DOK6: variants seen among roughly 807,000 people sequenced by gnomAD.
DOK6 encodes docking protein 6, also known as downstream of tyrosine kinase 6.
DOK6 carries 22 observed loss-of-function variants against 44.0 expected under a neutral mutation model. The ratio of observed to expected loss-of-function variants is 0.50; its 90% CI spans 0.36 to 0.71. The LOEUF (loss-of-function observed/expected upper bound fraction) is 0.71. DOK6 is among the 30% of genes least tolerant of loss of function. DOK6 has a pLI of 0.00. For missense variants in DOK6, 340 were observed against 416.4 expected (o/e 0.82, Z 1.60); for synonymous variants, 166 against 145.5 (o/e 1.14, Z -1.01).
At chr18:69,486,299 G>A (rs889646817) in intron 1 of DOK6, among the ~76,000 whole-genome samples, 8 of 151,992 alleles carry the variant, frequency 5.3e-5, no homozygotes, top group Admixed American at 1.3e-4. Context: ...AATTATACAT[G>A]TTTAGTTTTT....
At chr18:69,698,360 CA>C in intron 4 of DOK6, 43 bp from the exon 5 acceptor site, 1 of 1,544,276 alleles carries the variant, frequency 6.5e-7, no homozygotes, top group African/African-American at 1.4e-5. Flanking sequence ...TAGACACTCA[CA>C]CCTCTTTTCA....
At chr18:69,601,508 G>A (rs757169186) in intron 3 of DOK6, among the ~76,000 whole-genome samples, 2 of 152,082 alleles carry the variant, frequency 1.3e-5, no homozygotes, top group Admixed American at 1.3e-4. Context: ...AATTTTGTTG[G>A]TCTATGCCCA....
At chr18:69,717,430 A>G (rs1481408130) in intron 5 of DOK6, among the ~76,000 whole-genome samples, 1 of 152,238 alleles carries the variant, frequency 6.6e-6, no homozygotes, top group Non-Finnish European at 1.5e-5. Flanking sequence ...AAAGTTGCTT[A>G]GAGCGCATGG....
intron 7 of DOK6, among the ~76,000 whole-genome samples, chr18:69,772,730 G>T (rs549474401): frequency 1.3e-4 from 19 of 151,952 alleles, no homozygotes; most frequent in Non-Finnish European, 1.3e-4. Flanking sequence ...AAAGGTTAAG[G>T]CCTGAAACCA....
chr18:69,553,917 G>T (rs943315661), intron 1 of DOK6, among the ~76,000 whole-genome samples: 3 of 152,226 alleles, frequency 2.0e-5, no homozygotes, highest in African/African-American at 7.2e-5. Flanking sequence ...GTGGTTTGTC[G>T]TAATACCTTT....
At chr18:69,626,252 C>A (rs1392439809) in intron 3 of DOK6, among the ~76,000 whole-genome samples, 2 of 152,192 alleles carry the variant, frequency 1.3e-5, no homozygotes, top group African/African-American at 2.4e-5. Context: ...CCCATTTGAT[C>A]TCTAAATGAC....
intron 1 of DOK6, among the ~76,000 whole-genome samples, chr18:69,540,673 A>T (rs2144580714): frequency 6.6e-6 from 1 of 152,250 alleles, no homozygotes; most frequent in Non-Finnish European, 1.5e-5. Flanking sequence ...ATAGTTTTTC[A>T]ATGATTACGG....
intron 5 of DOK6, among the ~76,000 whole-genome samples, chr18:69,701,337 T>G (rs1035457455): frequency 1.3e-5 from 2 of 152,234 alleles, no homozygotes; most frequent in African/African-American, 4.8e-5. Context: ...TCTTTTACCA[T>G]AAGGATCATA....
At chr18:69,434,983 A>AAGGAAAGAAGGAAG (rs1978918850) in intron 1 of DOK6, among the ~76,000 whole-genome samples, 2 of 84,752 alleles carry the variant, frequency 2.4e-5, no homozygotes, top group Non-Finnish European at 5.3e-5. Context: ...AAGGAAGGAA[A>AAGGAAAGAAGGAAG]GAAGGAAGGA....
intron 3 of DOK6, among the ~76,000 whole-genome samples, chr18:69,629,581 T>G (rs990876816): frequency 1.3e-5 from 2 of 152,204 alleles, no homozygotes; most frequent in Admixed American, 1.3e-4. Flanking sequence ...TATTGAGACT[T>G]GGCACTGAGG....
At chr18:69,482,947 G>C (rs767744124) in intron 1 of DOK6, among the ~76,000 whole-genome samples, 2 of 151,924 alleles carry the variant, frequency 1.3e-5, no homozygotes, top group East Asian at 1.9e-4. Flanking sequence ...AGGTAAACTT[G>C]TGTCATGGGG....
chr18:69,810,140 A>T (rs1484203826), intron 7 of DOK6, among the ~76,000 whole-genome samples: 1 of 152,118 alleles, frequency 6.6e-6, no homozygotes, highest in African/African-American at 2.4e-5. Context: ...AGACACATAG[A>T]CCAATGGAAT....
chr18:69,435,011 A>C, intron 1 of DOK6, among the ~76,000 whole-genome samples: 1 of 72,418 alleles, frequency 1.4e-5, no homozygotes, highest in Non-Finnish European at 2.8e-5. Context: ...AAGAAAGATT[A>C]GTGTAGGGAG....
intron 2 of DOK6, among the ~76,000 whole-genome samples, chr18:69,598,360 C>T (rs1983795889): frequency 6.6e-6 from 1 of 151,532 alleles, no homozygotes. Context: ...TAGTTATATC[C>T]TGTAAAAATT....
chr18:69,501,803 T>C (rs1028769139), intron 1 of DOK6, among the ~76,000 whole-genome samples: 16 of 152,154 alleles, frequency 1.1e-4, no homozygotes, highest in Non-Finnish European at 1.6e-4. Context: ...ATACTTATAT[T>C]GGATCCTTAA....
intron 2 of DOK6, among the ~76,000 whole-genome samples, chr18:69,573,763 T>C (rs1599200108): frequency 6.6e-6 from 1 of 152,138 alleles, no homozygotes; most frequent in East Asian, 1.9e-4. Flanking sequence ...CTTAACTAGT[T>C]CAATGATTCT....
intron 7 of DOK6, among the ~76,000 whole-genome samples, chr18:69,786,115 AT>A (rs1980420583): frequency 6.6e-6 from 1 of 152,150 alleles, no homozygotes; most frequent in South Asian, 2.1e-4. Flanking sequence ...AAACACCTAT[AT>A]TTATTTCTTA....
chr18:69,768,954 C>CGTGTGT (rs61202412), intron 7 of DOK6, among the ~76,000 whole-genome samples: 143 of 142,696 alleles, frequency 1.0e-3, no homozygotes, highest in African/African-American at 3.0e-3. Context: ...GAAGGGTGTG[C>CGTGTGT]GTGTGTGTGT....
intron 7 of DOK6, among the ~76,000 whole-genome samples, chr18:69,777,533 C>T (rs1980111455): frequency 6.6e-6 from 1 of 151,966 alleles, no homozygotes; most frequent in Admixed American, 6.6e-5. Flanking sequence ...AAAATGACAG[C>T]CATCCTTAGT....
Sources: allele counts gnomAD v4.1 joint callset (sites outside exome capture counted in the v4.1 genomes callset), GRCh38; gene constraint gnomAD v4.1.1; transcripts MANE v1.5; gene names NCBI Gene and HGNC (gene_info 2026-07-23, HGNC 2026-07-21).